The following HPGDS variants were observed in gnomAD, a reference collection of about 807,000 sequenced individuals.
HPGDS encodes the protein GST class-sigma.
Under a neutral mutation model 23.1 loss-of-function variants are expected in HPGDS, and 26 were observed. The observed-to-expected ratio is 1.13, with a 90% CI of 0.83 to 1.56. HPGDS has a LOEUF of 1.56. Ranked by LOEUF, HPGDS falls within the 40% of genes most tolerant of loss-of-function variation. The pLI, the probability that HPGDS is intolerant of heterozygous loss-of-function variation, is 0.00. For missense variants in HPGDS, 268 were observed against 236.4 expected (o/e 1.13, Z -0.88); for synonymous variants, 95 against 77.9 (o/e 1.22, Z -1.16).
intron 1 of HPGDS, among the ~76,000 whole-genome samples, chr4:94,340,305 CTTTCTCTTTTTTTTT>C (rs1721120858): frequency 1.1e-4 from 3 of 26,196 alleles, no homozygotes; most frequent in African/African-American, 1.5e-4. Context: ...TTCTTTCTTT[CTTTCTCTTTTTTTTT>C]TTTTTTTTTT....
chr4:94,333,579 G>A (rs10516950), intron 2 of HPGDS, among the ~76,000 whole-genome samples: 61,049 of 152,068 alleles, frequency 0.4, 12,411 homozygotes, highest in Non-Finnish European at 0.44. Flanking sequence ...TTTACATTGC[G>A]TCTTTGTCTA....
chr4:94,310,546 T>C (rs1286511839), intron 3 of HPGDS, among the ~76,000 whole-genome samples: 2 of 152,224 alleles, frequency 1.3e-5, no homozygotes, highest in Non-Finnish European at 2.9e-5. Flanking sequence ...AGCCTTGTAG[T>C]ATAGTTTGAA....
chr4:94,333,012 A>T (rs1756761140), intron 2 of HPGDS, among the ~76,000 whole-genome samples: 1 of 152,220 alleles, frequency 6.6e-6, no homozygotes, highest in Non-Finnish European at 1.5e-5. Flanking sequence ...GAGAAAATGT[A>T]AACTCATATG....
intron 3 of HPGDS, among the ~76,000 whole-genome samples, chr4:94,313,917 C>A (rs1225955399): frequency 6.6e-6 from 1 of 152,156 alleles, no homozygotes; most frequent in African/African-American, 2.4e-5. Context: ...CCCTTTCTTC[C>A]AGTTGATCAA....
chr4:94,326,864 ACCCT>A (rs1242007652), intron 2 of HPGDS, among the ~76,000 whole-genome samples: 1 of 150,076 alleles, frequency 6.7e-6, no homozygotes, highest in Non-Finnish European at 1.5e-5. Flanking sequence ...TTGTAGGGAA[ACCCT>A]TTTTCCTATA....
At chr4:94,302,781 A>G (rs958521686) in intron 4 of HPGDS, among the ~76,000 whole-genome samples, 2 of 152,084 alleles carry the variant, frequency 1.3e-5, no homozygotes, top group Non-Finnish European at 2.9e-5. Context: ...AGATTTGTCC[A>G]TCTTGAATAT....
intron 3 of HPGDS, among the ~76,000 whole-genome samples, chr4:94,311,753 G>A (rs1489646760): frequency 1.3e-5 from 2 of 151,418 alleles, no homozygotes; most frequent in Non-Finnish European, 1.5e-5. Context: ...ATTCAGCTGT[G>A]AGTCCATCTG....
Position 94,323,003 on chromosome 4 carries a change from C to T in HPGDS, c.134-5038G>A, listed in dbSNP as rs549102791. 3.3e-5 allele frequency among the ~76,000 whole-genome samples: 5 copies of T among 152,292 alleles called. No homozygotes were observed. In the East Asian group the frequency reaches 7.7e-4, roughly 23 times the overall value. ...GTTTCAAAGAATATGTTTATTTCTG[C>T]CTTCATTTCGTTATGTACCCAGTAG... On this transcript the variant is annotated intron_variant, in intron 2 of 5. Transcript: ENST00000295256.
chr4:94,331,772 C>A (rs1756740466), intron 2 of HPGDS, among the ~76,000 whole-genome samples: 1 of 152,164 alleles, frequency 6.6e-6, no homozygotes, highest in South Asian at 2.1e-4. Context: ...CTATCCTCCC[C>A]TGAGAGTAAC....
intron 1 of HPGDS, among the ~76,000 whole-genome samples, chr4:94,338,178 C>G (rs777572579): frequency 1.3e-5 from 2 of 152,144 alleles, no homozygotes; most frequent in Non-Finnish European, 1.5e-5. Context: ...AATCCCGGCA[C>G]TTTGGGAGGC....
intron 4 of HPGDS, among the ~76,000 whole-genome samples, chr4:94,304,263 A>G (rs1382679884): frequency 6.6e-6 from 1 of 152,110 alleles, no homozygotes; most frequent in African/African-American, 2.4e-5. Flanking sequence ...ACGACATCAG[A>G]ATGTCCTCAG....
Position 94,301,509 on chromosome 4 carries a change from T to C in HPGDS, c.435+637A>G, listed in dbSNP as rs138127687. On this transcript the variant is annotated intron_variant, in intron 5 of 5. Transcript: ENST00000295256. ...ATATAAAATGCTTCATAATTTATCC[T>C]GATATAAAATACATATGAGTTTATA... Among the ~76,000 whole-genome samples the C allele has an allele frequency of 9.3e-3, 1,409 of 152,286 alleles. 16 individuals carry two copies. The highest frequency in any genetic ancestry group is 0.032 in the African/African-American group (1,312 of 41,554).
At chr4:94,320,658 A>G (rs1254663303) in intron 2 of HPGDS, among the ~76,000 whole-genome samples, 1 of 152,154 alleles carries the variant, frequency 6.6e-6, no homozygotes, top group African/African-American at 2.4e-5. Context: ...GATTCTGGAT[A>G]TTAGCCATTT....
At chr4:94,340,309 C>T (rs7659756) in intron 1 of HPGDS, among the ~76,000 whole-genome samples, 491 of 28,742 alleles carry the variant, frequency 0.017, 10 homozygotes, top group South Asian at 0.021. Flanking sequence ...TTCTTTCTTT[C>T]TCTTTTTTTT....
intron 2 of HPGDS, among the ~76,000 whole-genome samples, chr4:94,323,440 A>G (rs1045239667): frequency 1.4e-4 from 21 of 152,186 alleles, no homozygotes; most frequent in Admixed American, 1.4e-3. Flanking sequence ...ATGAATCTGG[A>G]TGCTCCTCTA....
intron 2 of HPGDS, among the ~76,000 whole-genome samples, chr4:94,324,949 G>C (rs1756599011): frequency 6.6e-6 from 1 of 152,184 alleles, no homozygotes; most frequent in Admixed American, 6.5e-5. Flanking sequence ...TTTTGGTGTG[G>C]ATGTCCTTTT....
chr4:94,313,191 T>C (rs900766749), intron 3 of HPGDS, among the ~76,000 whole-genome samples: 3 of 152,218 alleles, frequency 2.0e-5, no homozygotes, highest in African/African-American at 7.2e-5. Context: ...TGATGTTAGC[T>C]GGTTATTTTG....
At position 94,302,302 on chromosome 4, in the gene HPGDS, G is replaced by A. The variant is rs955009236; in HGVS notation, c.337-58C>T. 16 of 1,172,870 alleles carry A rather than the reference G, an allele frequency of 1.4e-5. No homozygotes were observed. In the African/African-American group the frequency reaches 2.5e-4, roughly 18 times the overall value. The allele number at this position is 1,172,870 out of a possible 1,614,324, so 72.7% of individuals were successfully genotyped here. ...AATGAGAAGAAAAGTAACATGATCT[G>A]AGGAGGAAGTAGATTTCTCCATCTT... On this transcript the variant is annotated intron_variant, in intron 4 of 5. Transcript: ENST00000295256.
At chr4:94,320,614 A>AT (rs1467444461) in intron 2 of HPGDS, among the ~76,000 whole-genome samples, 2 of 151,392 alleles carry the variant, frequency 1.3e-5, no homozygotes, top group Non-Finnish European at 3.0e-5. Context: ...GGGTTGTTTG[A>AT]TTTTTTCTTG....
Sources: gnomAD v4.1 joint callset for allele counts (sites outside exome capture counted in the v4.1 genomes callset) on GRCh38, gnomAD v4.1.1 for gene constraint, MANE v1.5 for transcripts, NCBI Gene and HGNC (gene_info 2026-07-23, HGNC 2026-07-21) for gene names.